Variants in ADAM12 observed in about 807,000 individuals in gnomAD.
ADAM12 encodes the protein disintegrin and metalloproteinase domain-containing protein 12.
Under a neutral mutation model 106.4 loss-of-function variants are expected in ADAM12, and 70 were observed. The observed-to-expected ratio is 0.66, with a 90% CI of 0.54 to 0.80. The LOEUF is 0.80. Ranked by LOEUF, ADAM12 falls within the 30% of genes least tolerant of loss-of-function variation. The pLI is 0.00. For synonymous variants in ADAM12, 420 were observed against 433.5 expected, an observed-to-expected ratio of 0.97 and a Z score of 0.39; for missense variants, 1,010 against 1,171.9, an observed-to-expected ratio of 0.86 and a Z score of 2.02.
At position 126,019,776 on chromosome 10, in the gene ADAM12, A is replaced by G; in HGVS notation, c.2579T>C (p.Leu860Pro). Residue 860 changes from leucine (L) to proline (P), a missense_variant, in exon 22 of 23, where the codon CTG becomes CCG. Physicochemically the swap from Leu to Pro is moderately conservative, Grantham distance 98. This residue lies in a region of ADAM12 where 615 missense variants were observed against 708.5 expected (regional missense o/e 0.87). Coordinates refer to ENST00000448723, the MANE Select transcript of ADAM12 (RefSeq NM_001288973.2). ...PPQKPLPADP[L>P]ARTTRLTHAL... ...ATGAGTGAGCCGAGTTGTTCTGGCCAGAGGATCTGCAGGCAGAGGCTTCTG... is the reference window on the plus strand; with the variant it reads ...ATGAGTGAGCCGAGTTGTTCTGGCCGGAGGATCTGCAGGCAGAGGCTTCTG... 1.2e-6 allele frequency: 2 copies of G among 1,614,138 alleles called. No individual in the cohort carries two copies. Among genetic ancestry groups the G allele is most frequent in the South Asian group, 2.2e-5 (2 of 91,066 alleles).
intron 1 of ADAM12, among the ~76,000 whole-genome samples, chr10:126,363,768 C>T (rs73369041): frequency 0.041 from 6,167 of 152,250 alleles, 427 homozygotes; most frequent in African/African-American, 0.14. Context: ...TAACGGAGAC[C>T]AGACCTGCCC....
chr10:126,254,368 G>T (rs1361891181), intron 3 of ADAM12, among the ~76,000 whole-genome samples: 1 of 152,196 alleles, frequency 6.6e-6, no homozygotes, highest in African/African-American at 2.4e-5. Flanking sequence ...AATGCCAAGC[G>T]CAAGTCATGT....
At chr10:126,162,584 A>G (rs1255238502) in intron 3 of ADAM12, among the ~76,000 whole-genome samples, 5 of 152,130 alleles carry the variant, frequency 3.3e-5, no homozygotes, top group African/African-American at 1.2e-4. Context: ...TCAGAGCCAC[A>G]GGTGGTTCTG....
rs191783908 is a variant in ADAM12, at chr10:126,113,441, C to T, written c.604-3601G>A. ...TTGGGAGGCTGAGGTGGGCGAATCC[C>T]TCGCGGTCAGGAGTTCAAGACCAGC... On this transcript the variant is annotated intron_variant, in intron 6 of 22. Coordinates refer to ENST00000448723, the MANE Select transcript of ADAM12 (RefSeq NM_001288973.2). Among the ~76,000 whole-genome samples the T allele has an allele frequency of 1.8e-4, 28 of 151,526 alleles. No homozygotes were observed. The East Asian group carries it at 5.3e-3, about 29-fold the overall frequency.
At chr10:126,181,108 G>C (rs1419085987) in intron 3 of ADAM12, among the ~76,000 whole-genome samples, 1 of 144,892 alleles carries the variant, frequency 6.9e-6, no homozygotes, top group Non-Finnish European at 1.5e-5. Flanking sequence ...GTCTCCCTCT[G>C]TTGCCCAGGC....
At chr10:126,198,274 C>T (rs1325903361) in intron 3 of ADAM12, among the ~76,000 whole-genome samples, 1 of 152,208 alleles carries the variant, frequency 6.6e-6, no homozygotes, top group African/African-American at 2.4e-5. Flanking sequence ...GAATCTCAAC[C>T]CTGCCATGGC....
chr10:126,208,209 G>A (rs992692954), intron 3 of ADAM12, among the ~76,000 whole-genome samples: 3 of 152,180 alleles, frequency 2.0e-5, no homozygotes, highest in Non-Finnish European at 4.4e-5. Context: ...ATGGAGCGTA[G>A]GGTGATTTTG....
At chr10:126,233,403 C>T (rs565135133) in intron 3 of ADAM12, among the ~76,000 whole-genome samples, 1 of 152,154 alleles carries the variant, frequency 6.6e-6, no homozygotes, top group East Asian at 1.9e-4. Flanking sequence ...CAAGGTCCTG[C>T]TGGGGGAGGA....
At chr10:126,052,704 CAG>C (rs763042450) in intron 14 of ADAM12, among the ~76,000 whole-genome samples, 5 of 152,048 alleles carry the variant, frequency 3.3e-5, no homozygotes, top group Admixed American at 6.6e-5. Context: ...CCAACCTCAA[CAG>C]GGATTGAAGA....
intron 3 of ADAM12, among the ~76,000 whole-genome samples, chr10:126,200,007 A>G (rs1202399890): frequency 6.6e-6 from 1 of 152,236 alleles, no homozygotes; most frequent in African/African-American, 2.4e-5. Context: ...TAGTCCATCA[A>G]CAGAAGGAAG....
intron 16 of ADAM12, among the ~76,000 whole-genome samples, chr10:126,047,093 G>T (rs1485848910): frequency 1.3e-5 from 2 of 152,206 alleles, no homozygotes; most frequent in Non-Finnish European, 2.9e-5. Context: ...CTGGCTGAAA[G>T]AACTCAGCCT....
chr10:126,024,462 GAATA>G (rs945904732), intron 21 of ADAM12, among the ~76,000 whole-genome samples: 2 of 152,098 alleles, frequency 1.3e-5, no homozygotes, highest in African/African-American at 4.8e-5. Context: ...AAACAGAAGA[GAATA>G]TATAGACTAT....
At chr10:126,086,316 G>T (rs546937793) in intron 11 of ADAM12, among the ~76,000 whole-genome samples, 18 of 151,918 alleles carry the variant, frequency 1.2e-4, no homozygotes, top group Admixed American at 3.3e-4. Context: ...TTATGTCCTG[G>T]GGCTTCTACT....
At chr10:126,349,635 T>C (rs1855278369) in intron 1 of ADAM12, among the ~76,000 whole-genome samples, 1 of 152,150 alleles carries the variant, frequency 6.6e-6, no homozygotes, top group African/African-American at 2.4e-5. Flanking sequence ...CATAATTCCT[T>C]ATACAAAGAG....
At chr10:126,328,607 G>T (rs929598287) in intron 2 of ADAM12, among the ~76,000 whole-genome samples, 7 of 152,212 alleles carry the variant, frequency 4.6e-5, no homozygotes, top group African/African-American at 1.7e-4. Flanking sequence ...AGTACATATT[G>T]TAATTTTATG....
chr10:126,257,086 C>T (rs1188564393), intron 3 of ADAM12, among the ~76,000 whole-genome samples: 3 of 152,228 alleles, frequency 2.0e-5, no homozygotes, highest in Non-Finnish European at 4.4e-5. Context: ...TGCCCACTCT[C>T]AGCCCCTTCC....
intron 2 of ADAM12, among the ~76,000 whole-genome samples, chr10:126,321,694 G>A (rs1319264190): frequency 1.3e-5 from 2 of 152,172 alleles, no homozygotes; most frequent in East Asian, 1.9e-4. Context: ...AGAGAGCGCT[G>A]GCGAGTGCTC....
chr10:126,176,407 G>A (rs1439921446), intron 3 of ADAM12, among the ~76,000 whole-genome samples: 1 of 152,196 alleles, frequency 6.6e-6, no homozygotes. Context: ...TTCATTTATA[G>A]GTGATATGAA....
chr10:126,331,472 C>T (rs1198058208), intron 1 of ADAM12, among the ~76,000 whole-genome samples: 1 of 152,130 alleles, frequency 6.6e-6, no homozygotes, highest in African/African-American at 2.4e-5. Context: ...TTTACAGTTC[C>T]CCAAATACTT....
Sources: gnomAD v4.1 joint callset for allele counts (sites outside exome capture counted in the v4.1 genomes callset) on GRCh38, gnomAD v4.1.1 for gene constraint, gnomAD v4.1.1 regional missense constraint, MANE v1.5 for transcripts, NCBI Gene and HGNC (gene_info 2026-07-23, HGNC 2026-07-21) for gene names.